The following NELL1 variants were observed in gnomAD, a reference collection of about 807,000 sequenced individuals.
NELL1 encodes the protein neural EGFL like 1.
A neutral mutation model predicts 107.4 loss-of-function variants in NELL1; 76 were observed. The ratio of observed to expected loss-of-function variants is 0.71; its 90% confidence interval spans 0.59 to 0.86. NELL1 has a LOEUF of 0.86. NELL1 is among the 40% of genes least tolerant of loss of function. The pLI is 0.00. For synonymous variants in NELL1, 353 were observed against 341.2 expected, an observed-to-expected ratio of 1.03 and a Z score of -0.38; for missense variants, 1,024 against 1,005.5, an observed-to-expected ratio of 1.02 and a Z score of -0.25.
intron 15 of NELL1, among the ~76,000 whole-genome samples, chr11:21,446,345 C>G (rs979646094): frequency 6.6e-6 from 1 of 151,928 alleles, no homozygotes; most frequent in Admixed American, 6.6e-5. Flanking sequence ...TTCCCTGGTG[C>G]CTTATTCAGT....
rs145971390 is a variant in NELL1, at chr11:21,233,159, G to A, written c.1549+3705G>A. On this transcript the variant is annotated intron_variant, in intron 14 of 19. Coordinates refer to ENST00000357134, the MANE Select transcript of NELL1 (RefSeq NM_006157.5). ...GTGGTGGTCGATGCCCATGTAAGGC[G>A]TCTTTTCTTCTTTTGGATGGAAAAT... Among the ~76,000 whole-genome samples the A allele has an allele frequency of 2.6e-3, 393 of 152,236 alleles. 2 individuals are homozygous for A. Among genetic ancestry groups the A allele is most frequent in the African/African-American group, 9.2e-3 (384 of 41,534 alleles).
chr11:21,164,580 A>G (rs2133804502), intron 13 of NELL1, among the ~76,000 whole-genome samples: 1 of 152,274 alleles, frequency 6.6e-6, no homozygotes, highest in Non-Finnish European at 1.5e-5. Flanking sequence ...TTTTTAATCT[A>G]TTATGGAAAG....
intron 5 of NELL1, among the ~76,000 whole-genome samples, chr11:20,907,665 A>C (rs1564961083): frequency 6.6e-6 from 1 of 152,170 alleles, no homozygotes; most frequent in Non-Finnish European, 1.5e-5. Context: ...ATGTAGCTTG[A>C]TGAAAATACC....
At chr11:21,462,627 C>T (rs1487344389) in intron 15 of NELL1, among the ~76,000 whole-genome samples, 1 of 151,960 alleles carries the variant, frequency 6.6e-6, no homozygotes, top group Non-Finnish European at 1.5e-5. Flanking sequence ...CATTTTTTCT[C>T]CAGGGTTGAT....
intron 15 of NELL1, among the ~76,000 whole-genome samples, chr11:21,465,293 G>A (rs1185277900): frequency 1.3e-5 from 2 of 151,934 alleles, no homozygotes; most frequent in African/African-American, 2.4e-5. Flanking sequence ...CAAAGTATTG[G>A]CAGCTAAAAA....
chr11:20,799,613 T>G (rs988649155), intron 3 of NELL1, among the ~76,000 whole-genome samples: 1 of 152,160 alleles, frequency 6.6e-6, no homozygotes, highest in Non-Finnish European at 1.5e-5. Flanking sequence ...AGTTCACCAT[T>G]TGAAGCATTA....
chr11:20,899,610 T>A (rs1849828137), intron 5 of NELL1, among the ~76,000 whole-genome samples: 1 of 152,062 alleles, frequency 6.6e-6, no homozygotes. Flanking sequence ...AATGAAATAG[T>A]AAGCATGAAA....
rs894056152 is a variant in NELL1, at chr11:20,874,805, G to C, written c.507-10639G>C. Among the ~76,000 whole-genome samples, 22 of 152,062 alleles carry C rather than the reference G, an allele frequency of 1.4e-4. 1 individual carries two copies. Among genetic ancestry groups the C allele is most frequent in the Admixed American group, 1.4e-3 (21 of 15,278 alleles). The stretch of plus-strand genomic sequence containing the variant: ...TGCCTCCTTATAGCTTCCACCTGTT[G>C]GTATCAATTTTCCCTCTTGGTGCTG... On this transcript the variant is annotated intron_variant, in intron 4 of 19. Coordinates refer to ENST00000357134, the MANE Select transcript of NELL1 (RefSeq NM_006157.5).
chr11:21,525,699 G>A (rs146949021), intron 15 of NELL1, among the ~76,000 whole-genome samples: 2 of 152,288 alleles, frequency 1.3e-5, no homozygotes, highest in East Asian at 3.9e-4. Flanking sequence ...TCACAATCAT[G>A]GCAGAAGGTG....
At chr11:20,733,038 A>T (rs1214735464) in intron 2 of NELL1, among the ~76,000 whole-genome samples, 1 of 152,132 alleles carries the variant, frequency 6.6e-6, no homozygotes, top group Non-Finnish European at 1.5e-5. Context: ...TCTAAGTCTC[A>T]ATTTGTTCGA....
chr11:21,342,649 A>G (rs893811818), intron 14 of NELL1, among the ~76,000 whole-genome samples: 1 of 150,712 alleles, frequency 6.6e-6, no homozygotes, highest in African/African-American at 2.4e-5. Context: ...CTTTAAAAAA[A>G]AAAAAAAAAG....
At chr11:21,124,603 A>AT (rs35321090) in intron 13 of NELL1, among the ~76,000 whole-genome samples, 18,641 of 141,926 alleles carry the variant, frequency 0.13, 2,445 homozygotes, top group African/African-American at 0.34. Context: ...CTCACAGATG[A>AT]TTTTTTTTTT....
chr11:20,926,657 AT>A (rs747733128), intron 7 of NELL1, among the ~76,000 whole-genome samples: 6 of 152,204 alleles, frequency 3.9e-5, no homozygotes, highest in Non-Finnish European at 7.3e-5. Context: ...ATTATTGGCA[AT>A]GACTGGGTGG....
chr11:21,081,042 T>G (rs974026531), intron 12 of NELL1, among the ~76,000 whole-genome samples: 2 of 152,126 alleles, frequency 1.3e-5, no homozygotes, highest in African/African-American at 4.8e-5. Flanking sequence ...GTCATTTTCT[T>G]AGAATTGGCT....
chr11:21,354,292 G>A (rs543532617), intron 14 of NELL1, among the ~76,000 whole-genome samples: 15 of 152,074 alleles, frequency 9.9e-5, no homozygotes, highest in East Asian at 1.9e-4. Context: ...GCTAAGTTGC[G>A]AGATATGATG....
rs189365725 is a variant in NELL1 at position 21,184,165 on chromosome 11, G to A, written c.1427-45167G>A. Reference sequence around the variant, plus strand: ...TCAGTTTCCTCTTTTGTAAAATGAAGTGATTGGTTATAATCAATATCCCAC... The same window carrying A: ...TCAGTTTCCTCTTTTGTAAAATGAAATGATTGGTTATAATCAATATCCCAC... On this transcript the variant is annotated intron_variant, in intron 13 of 19. Transcript: ENST00000357134. Among the ~76,000 whole-genome samples the A allele has an allele frequency of 4.2e-4, 64 of 151,968 alleles. 1 individual carries two copies. Among genetic ancestry groups the A allele is most frequent in the African/African-American group, 7.3e-4 (30 of 41,278 alleles).
chr11:21,046,563 C>T (rs1853358598), intron 12 of NELL1, among the ~76,000 whole-genome samples: 2 of 152,132 alleles, frequency 1.3e-5, no homozygotes, highest in Non-Finnish European at 2.9e-5. Flanking sequence ...TATCAATACT[C>T]AGTGATTAAA....
intron 14 of NELL1, among the ~76,000 whole-genome samples, chr11:21,350,415 C>T (rs1297135354): frequency 2.0e-5 from 3 of 151,916 alleles, no homozygotes; most frequent in East Asian, 3.8e-4. Context: ...ATACCATTGT[C>T]CATATAGTTA....
chr11:20,721,299 C>T (rs757791760), intron 2 of NELL1, among the ~76,000 whole-genome samples: 7 of 149,336 alleles, frequency 4.7e-5, no homozygotes, highest in South Asian at 2.1e-4. Flanking sequence ...ACTTCCTGTA[C>T]GAATTTTGTA....
Sources: allele counts gnomAD v4.1 joint callset (sites outside exome capture counted in the v4.1 genomes callset), GRCh38; gene constraint gnomAD v4.1.1; transcripts MANE v1.5; gene names NCBI Gene and HGNC (gene_info 2026-07-23, HGNC 2026-07-21).